Variants in SPTBN5 observed in about 807,000 individuals in gnomAD.
SPTBN5 encodes the protein spectrin beta chain, non-erythrocytic 5.
Under a neutral mutation model 477.6 loss-of-function variants are expected in SPTBN5, and 513 were observed. That is an observed-to-expected ratio of 1.07 (90% CI 1.00 to 1.16). The LOEUF (loss-of-function observed/expected upper bound fraction) is 1.16. Among genes scored for constraint, SPTBN5 ranks in the 50% most tolerant of loss-of-function variants. The probability of loss-of-function intolerance (pLI) is 0.00; values close to 1 mark genes in which losing one functional copy is unlikely to be tolerated. For synonymous variants in SPTBN5, 2,169 were observed against 2,011.7 expected (o/e 1.08, Z -2.09); for missense variants, 5,062 against 4,731.8 (o/e 1.07, Z -2.05).
Position 41,882,149 on chromosome 15 carries a change from T to C in SPTBN5, c.2248-4A>G. The C allele has an allele frequency of 6.4e-7, 1 of 1,569,050 alleles. No individual in the cohort carries two copies. Among genetic ancestry groups the C allele is most frequent in the Non-Finnish European group, 8.6e-7 (1 of 1,168,174 alleles). ...CCTCCGCCGCGTCCGCGAAGTACTG[T>C]GGGAGGGGGTCGGGGGTGGTGTGGG... On this transcript the variant is annotated splice_polypyrimidine_tract_variant and splice_region_variant and intron_variant, in intron 11 of 67. Transcript: ENST00000320955.
intron 1 of SPTBN5, 52 bp from the exon 2 acceptor site, chr15:41,893,598 C>A: frequency 6.8e-7 from 1 of 1,480,624 alleles, no homozygotes; most frequent in Non-Finnish European, 9.0e-7. Flanking sequence ...GCCCCTCTAC[C>A]AGGGGCCTGG....
chr15:41,873,319 C>T (rs910060288), intron 26 of SPTBN5, among the ~76,000 whole-genome samples, 173 bp downstream of exon 26: 7 of 152,050 alleles, frequency 4.6e-5, no homozygotes, highest in Non-Finnish European at 1.0e-4. Flanking sequence ...GCCCAGGTTG[C>T]CTTGGAAGAA....
At chr15:41,851,656 G>A in intron 63 of SPTBN5, 123 bp downstream of exon 63, 2 of 733,664 alleles carry the variant, frequency 2.7e-6, no homozygotes, top group Non-Finnish European at 4.6e-6. Flanking sequence ...TGGACAGCAT[G>A]GTGGGGGGTG....
intron 45 of SPTBN5, 42 bp downstream of exon 45, chr15:41,861,693 T>C: frequency 6.6e-7 from 1 of 1,517,846 alleles, no homozygotes; most frequent in East Asian, 2.4e-5. Flanking sequence ...CAGGCCCTGT[T>C]CGGGGGGGCA....
chr15:41,849,880 T>A lies in SPTBN5; in HGVS notation c.11001A>T (p.Gly3667=), dbSNP rs146304930. 1,051 of 1,578,808 alleles carry A rather than the reference T, an allele frequency of 6.7e-4. 11 individuals carry two copies. The African/African-American group carries it at 0.013, about 20-fold the overall frequency. The change falls in exon 67 of 68, where the codon GGA becomes GGT. Residue 3667 remains glycine, a synonymous_variant. Coordinates refer to ENST00000320955, the MANE Select transcript of SPTBN5 (RefSeq NM_016642.4). ...NECTTKDARP[G]CLLRSDP The stretch of plus-strand genomic sequence containing the variant: ...CCCAGGTGTCCCACCTGAGTAGACA[T>A]CCAGGCCGGGCATCCTTGGTCGTGC...
rs947354375 is a variant in SPTBN5 at position 41,870,027 on chromosome 15, G to A, written c.5674-7C>T. 1.4e-6 allele frequency: 2 copies of A among 1,476,626 alleles called. No homozygotes were observed. The highest frequency in any genetic ancestry group is 9.0e-7 in the Non-Finnish European group (1 of 1,110,644). The allele number at this position is 1,476,626 out of a possible 1,614,324, so 91.5% of individuals were successfully genotyped here. On this transcript the variant is annotated splice_region_variant and splice_polypyrimidine_tract_variant and intron_variant, in intron 31 of 67. Transcript: ENST00000320955. The stretch of plus-strand genomic sequence containing the variant: ...TCTCCAGCAGTTCCTGCAGCTGCGG[G>A]AGGGGCAGGGAATAGGGAGGCAAGG...
At chr15:41,875,153 T>A in intron 22 of SPTBN5, 97 bp from the exon 23 acceptor site, 1 of 1,193,032 alleles carries the variant, frequency 8.4e-7, no homozygotes, top group Non-Finnish European at 1.2e-6. Flanking sequence ...AGGACCAGAT[T>A]CACCAGGGAG....
In SPTBN5 at chr15:41,856,452, C is replaced by T. The variant is rs775605505; in HGVS notation, c.8955G>A (p.Arg2985=). ...GAAGCCGCCTCCGCGCCGCCTCTGCCCGCAGGTGGGCCATGGCCTTCTCCA... is the reference window on the plus strand; with the variant it reads ...GAAGCCGCCTCCGCGCCGCCTCTGCTCGCAGGTGGGCCATGGCCTTCTCCA... ...QQLEKAMAHL[R]AEAARRRLLL... The change falls in exon 53 of 68, where the codon CGG becomes CGA. Residue 2985 remains arginine, a synonymous_variant. Transcript: ENST00000320955. 1 of 1,596,156 alleles carries T rather than the reference C, an allele frequency of 6.3e-7. No homozygotes were observed. The highest frequency in any genetic ancestry group is 8.5e-7 in the Non-Finnish European group (1 of 1,172,114).
Position 41,890,152 on chromosome 15 carries a change from G to C in SPTBN5, c.438C>G (p.Leu146=). The C allele has an allele frequency of 6.2e-7, 1 of 1,613,412 alleles. No individual in the cohort carries two copies. The highest frequency in any genetic ancestry group is 1.1e-5 in the South Asian group (1 of 90,804). Residue 146 remains leucine, a synonymous_variant, in exon 4 of 68, where the codon CTC becomes CTG. Coordinates refer to ENST00000320955, the MANE Select transcript of SPTBN5 (RefSeq NM_016642.4). ...PENIVDGDQT[L]ILGLIWVIIL... ...TGATGACCCAGATGAGTCCCAGGAT[G>C]AGTGTCTGGTCTCCGTCCACGATGT...
In SPTBN5 at chr15:41,869,885, C is replaced by A. The variant is rs1294109549; in HGVS notation, c.5809G>T (p.Ala1937Ser). The A allele has an allele frequency of 1.9e-6, 3 of 1,554,328 alleles. No individual in the cohort carries two copies. In the African/African-American group the frequency reaches 4.1e-5, roughly 21 times the overall value. The change falls in exon 32 of 68, where the codon GCC becomes TCC. Residue 1937 changes from alanine (A) to serine (S), a missense_variant. Coordinates refer to ENST00000320955, the MANE Select transcript of SPTBN5 (RefSeq NM_016642.4). ...VLQRRMEQRRAQLERARLLAR... is the reference protein window; with the variant it reads ...VLQRRMEQRRSQLERARLLAR... ...AGGAGGCGTGCCCGCTCCAGCTGGG[C>A]CCTGCGCTGCTCCATGCGTCGCTGC...
Position 41,865,794 on chromosome 15 carries a change from C to A in SPTBN5, c.6918+14G>T. 6.4e-7 allele frequency: 1 copy of A among 1,551,384 alleles called. No individual in the cohort carries two copies. On this transcript the variant is annotated intron_variant, in intron 39 of 67. Transcript: ENST00000320955. The stretch of plus-strand genomic sequence containing the variant: ...GGATGCATGGCCAACCTCTACCCAG[C>A]AAGGCCCTCTTACCCCGGCCGAGTT...
chr15:41,892,596 T>C (rs1618332), intron 3 of SPTBN5, among the ~76,000 whole-genome samples: 66,406 of 152,124 alleles, frequency 0.44, 15,669 homozygotes, highest in East Asian at 0.71. Flanking sequence ...AAGAGAACGC[T>C]AAGATTCTTT....
rs1481504421 is a variant in SPTBN5 at position 41,873,993 on chromosome 15, C to T, written c.4742G>A (p.Ser1581Asn). 5 of 1,604,642 alleles carry T rather than the reference C, an allele frequency of 3.1e-6. No homozygotes were observed. In the Admixed American group the frequency reaches 5.0e-5, roughly 16 times the overall value. Residue 1581 changes from serine (S) to asparagine (N), a missense_variant, in exon 25 of 68, where the codon AGT (serine) becomes AAT (asparagine). Coordinates refer to ENST00000320955, the MANE Select transcript of SPTBN5 (RefSeq NM_016642.4). ...TGAGGCTGCCAGGCTCCGCCCAGAA[C>T]TCAGCACCCGTTGCACCTGCCCCTG... The part of the protein sequence containing the change: ...AHQGQVQRVL[S>N]SGRSLAASGH...
chr15:41,889,946 G>T (rs1353399543), intron 4 of SPTBN5, 143 bp downstream of exon 4: 2 of 612,242 alleles, frequency 3.3e-6, no homozygotes, highest in South Asian at 2.0e-5. Context: ...CATGGTTGGA[G>T]AGTGAATATG....
At chr15:41,893,669 G>A (rs2067383467) in intron 1 of SPTBN5, 123 bp from the exon 2 acceptor site, 1 of 1,244,008 alleles carries the variant, frequency 8.0e-7, no homozygotes, top group Non-Finnish European at 1.1e-6. Context: ...AGCCCAGCCA[G>A]GTAAGGGCCA....
chr15:41,852,580 T>A (rs1310807991), intron 61 of SPTBN5, 54 bp downstream of exon 61: 1 of 1,562,688 alleles, frequency 6.4e-7, no homozygotes, highest in Non-Finnish European at 8.8e-7. Context: ...ACTTGCAGGC[T>A]GAGAGGGACT....
At chr15:41,875,750 G>C in intron 21 of SPTBN5, 128 bp from the exon 22 acceptor site, 2 of 994,296 alleles carry the variant, frequency 2.0e-6, no homozygotes, top group East Asian at 5.3e-5. Flanking sequence ...GGGCTGCCTG[G>C]AAGAAAGCAG....
At chr15:41,872,241 A>G in intron 27 of SPTBN5, 61 bp downstream of exon 27, 1 of 1,552,322 alleles carries the variant, frequency 6.4e-7, no homozygotes, top group Non-Finnish European at 8.7e-7. Context: ...ATGGCATGGG[A>G]ACAGTCAGCT....
chr15:41,868,195 C>A lies in SPTBN5; in HGVS notation c.6081G>T (p.Leu2027=). The change falls in exon 34 of 68, where the codon CTG becomes CTT. Residue 2027 remains leucine, a synonymous_variant. Transcript: ENST00000320955. ...GATACACCTGGTCCCGCTGGTCCTG[C>A]AGGGCTCGAAGCTCTTCCTGGACCT... ...TKEVQEELRA[L]QDQRDQVYQT... The A allele has an allele frequency of 6.3e-7, 1 of 1,582,314 alleles. No individual in the cohort carries two copies. Among genetic ancestry groups the A allele is most frequent in the East Asian group, 2.3e-5 (1 of 43,496 alleles).
Sources: allele counts gnomAD v4.1 joint callset (sites outside exome capture counted in the v4.1 genomes callset), GRCh38; gene constraint gnomAD v4.1.1; transcripts MANE v1.5; gene names NCBI Gene and HGNC (gene_info 2026-07-23, HGNC 2026-07-21).